LDLRAD3: variants seen among roughly 807,000 people sequenced by gnomAD.
The protein encoded by LDLRAD3 is low density lipoprotein receptor class A domain containing 3.
LDLRAD3 carries 20 observed loss-of-function variants against 29.4 expected under a neutral mutation model. The ratio of observed to expected loss-of-function variants is 0.68; its 90% CI spans 0.48 to 0.99. The LOEUF (loss-of-function observed/expected upper bound fraction) is 0.99. Among genes scored for constraint, LDLRAD3 ranks in the 50% least tolerant of loss-of-function variants. The probability of loss-of-function intolerance (pLI) is 0.00; values close to 1 mark genes in which losing one functional copy is unlikely to be tolerated. For synonymous variants in LDLRAD3, 157 were observed against 192.7 expected (o/e 0.81, Z 1.53); for missense variants, 420 against 454.3 (o/e 0.92, Z 0.69).
chr11:36,157,530 CA>C (rs1166327762), intron 4 of LDLRAD3, among the ~76,000 whole-genome samples: 2 of 152,166 alleles, frequency 1.3e-5, no homozygotes, highest in Admixed American at 1.3e-4. Flanking sequence ...AACAGATGAA[CA>C]TTGGTTAGGC....
chr11:36,115,374 C>G (rs1370529695), intron 4 of LDLRAD3, among the ~76,000 whole-genome samples: 2 of 152,184 alleles, frequency 1.3e-5, no homozygotes, highest in Admixed American at 6.5e-5. Flanking sequence ...AAAAAGGCAT[C>G]TCCTTGCTGC....
chr11:35,989,383 G>T (rs1006417689), intron 1 of LDLRAD3, among the ~76,000 whole-genome samples: 3 of 152,074 alleles, frequency 2.0e-5, no homozygotes, highest in African/African-American at 7.2e-5. Flanking sequence ...ATGAATTTTA[G>T]AATTACTTTT....
intron 3 of LDLRAD3, among the ~76,000 whole-genome samples, chr11:36,096,635 A>G (rs1217148413): frequency 1.3e-5 from 2 of 152,244 alleles, no homozygotes; most frequent in Non-Finnish European, 2.9e-5. Flanking sequence ...CACGGATATC[A>G]TTTGATGTGC....
chr11:36,043,917 C>T (rs1051523411), intron 2 of LDLRAD3, among the ~76,000 whole-genome samples: 2 of 152,148 alleles, frequency 1.3e-5, no homozygotes, highest in Non-Finnish European at 2.9e-5. Flanking sequence ...TCTTTCACAG[C>T]GCTTACGGTG....
chr11:35,996,810 T>C (rs538015887), intron 1 of LDLRAD3, among the ~76,000 whole-genome samples: 38 of 152,332 alleles, frequency 2.5e-4, no homozygotes, highest in African/African-American at 9.1e-4. Context: ...TTTGGTTAAA[T>C]GTGCCAGCCC....
intron 3 of LDLRAD3, among the ~76,000 whole-genome samples, chr11:36,084,045 A>T (rs1385102190): frequency 1.3e-5 from 2 of 152,020 alleles, no homozygotes; most frequent in Admixed American, 6.6e-5. Flanking sequence ...CAGCCTTGTG[A>T]GTAGCTGGGA....
At chr11:36,099,134 T>C (rs983477108) in intron 4 of LDLRAD3, among the ~76,000 whole-genome samples, 1 of 152,196 alleles carries the variant, frequency 6.6e-6, no homozygotes, top group South Asian at 2.1e-4. Context: ...TTTCTGTGAA[T>C]TGCCTCCTTG....
intron 4 of LDLRAD3, among the ~76,000 whole-genome samples, chr11:36,101,347 G>A (rs929102755): frequency 3.3e-5 from 5 of 152,156 alleles, no homozygotes; most frequent in Non-Finnish European, 7.4e-5. Context: ...TGTACATAGT[G>A]GATTTGCTAA....
intron 1 of LDLRAD3, chr11:35,988,980 C>T (rs185687858): frequency 3.3e-5 from 5 of 152,084 alleles, no homozygotes; most frequent in Admixed American, 1.3e-4. Flanking sequence ...GTATTTCCTA[C>T]GTTTTCTTCT....
At chr11:36,125,120 G>A (rs1421152078) in intron 4 of LDLRAD3, among the ~76,000 whole-genome samples, 1 of 152,104 alleles carries the variant, frequency 6.6e-6, no homozygotes, top group Non-Finnish European at 1.5e-5. Flanking sequence ...TTGTTCCAGG[G>A]CAGTTATCAT....
intron 4 of LDLRAD3, among the ~76,000 whole-genome samples, chr11:36,208,675 GTAAA>G (rs1369646900): frequency 6.6e-6 from 1 of 152,158 alleles, no homozygotes; most frequent in African/African-American, 2.4e-5. Flanking sequence ...TCCATCTGAA[GTAAA>G]TAAATAATTA....
At chr11:36,104,186 A>G (rs1853492649) in intron 4 of LDLRAD3, among the ~76,000 whole-genome samples, 1 of 152,178 alleles carries the variant, frequency 6.6e-6, no homozygotes. Context: ...CCCATATGGC[A>G]AGGGACGGAA....
chr11:36,109,963 A>G (rs1426500454), intron 4 of LDLRAD3: 1 of 152,224 alleles, frequency 6.6e-6, no homozygotes, highest in East Asian at 1.9e-4. Context: ...AACAGGAAGA[A>G]TGTGGAAGCC....
intron 1 of LDLRAD3, among the ~76,000 whole-genome samples, chr11:35,987,054 G>A (rs143184193): frequency 5.8e-4 from 89 of 152,250 alleles, no homozygotes; most frequent in African/African-American, 1.8e-3. Flanking sequence ...TTGAGTATTC[G>A]TCTCATTCAC....
chr11:36,173,106 G>T (rs1157196601), intron 4 of LDLRAD3, among the ~76,000 whole-genome samples: 2 of 151,976 alleles, frequency 1.3e-5, no homozygotes, highest in Non-Finnish European at 2.9e-5. Flanking sequence ...TTTCTACTTT[G>T]TGTGTGTAAG....
chr11:36,069,421 C>T (rs911696434), intron 2 of LDLRAD3, among the ~76,000 whole-genome samples: 4 of 152,204 alleles, frequency 2.6e-5, no homozygotes, highest in Non-Finnish European at 4.4e-5. Flanking sequence ...TTAATAGCAG[C>T]AACATCAGAT....
rs556657900 is a variant in LDLRAD3, at chr11:36,104,227, C to T, written c.454+5766C>T. Among the ~76,000 whole-genome samples the T allele has an allele frequency of 1.7e-3, 265 of 152,264 alleles. 6 individuals carry two copies. The highest frequency in any genetic ancestry group is 4.1e-3 in the African/African-American group (171 of 41,550). ...GCTCCAACCTAAGCTAGCGGGGAAC[C>T]GAGGCCTGCCAATAGCCACATGAGT... On this transcript the variant is annotated intron_variant, in intron 4 of 5. Transcript: ENST00000315571.
At chr11:36,076,816 A>G (rs1156932834) in intron 2 of LDLRAD3, among the ~76,000 whole-genome samples, 2 of 152,208 alleles carry the variant, frequency 1.3e-5, no homozygotes, top group Non-Finnish European at 2.9e-5. Context: ...CTTGGGAGAA[A>G]CAAATATAAC....
intron 2 of LDLRAD3, among the ~76,000 whole-genome samples, chr11:36,054,711 G>GTGGGTGGATGGATGGATGGA (rs1554960935): frequency 4.8e-5 from 7 of 146,326 alleles, no homozygotes; most frequent in African/African-American, 1.8e-4. Context: ...GGATGGGTGG[G>GTGGGTGGATGGATGGATGGA]TGGATGGATG....
Sources: gnomAD v4.1 joint callset for allele counts (sites outside exome capture counted in the v4.1 genomes callset) on GRCh38, gnomAD v4.1.1 for gene constraint, MANE v1.5 for transcripts, NCBI Gene and HGNC (gene_info 2026-07-23, HGNC 2026-07-21) for gene names.